The following MAP2 variants were observed in gnomAD, a reference collection of about 807,000 sequenced individuals.
MAP2 encodes the protein microtubule-associated protein 2.
MAP2 carries 14 observed loss-of-function variants against 137.6 expected under a neutral mutation model. The observed-to-expected ratio is 0.10, with a 90% CI of 0.07 to 0.16. MAP2 has a LOEUF of 0.16. Among genes scored for constraint, MAP2 ranks in the 10% least tolerant of loss-of-function variants. The pLI, the probability that MAP2 is intolerant of heterozygous loss-of-function variation, is 1.00. For synonymous variants in MAP2, 786 were observed against 782.3 expected, an observed-to-expected ratio of 1.00 and a Z score of -0.08; for missense variants, 2,088 against 2,191.5, an observed-to-expected ratio of 0.95 and a Z score of 0.94.
intron 2 of MAP2, among the ~76,000 whole-genome samples, chr2:209,510,589 A>G (rs908006341): frequency 6.6e-6 from 1 of 152,120 alleles, no homozygotes; most frequent in African/African-American, 2.4e-5. Flanking sequence ...GAGATTTGCA[A>G]TACCCATGCC....
intron 1 of MAP2, among the ~76,000 whole-genome samples, chr2:209,485,292 G>T (rs2058238713): frequency 6.6e-6 from 1 of 152,236 alleles, no homozygotes; most frequent in African/African-American, 2.4e-5. Context: ...TTTAATCAGT[G>T]CTGTACTTTA....
chr2:209,554,181 A>G (rs1441167250), intron 2 of MAP2, among the ~76,000 whole-genome samples: 1 of 152,206 alleles, frequency 6.6e-6, no homozygotes, highest in Non-Finnish European at 1.5e-5. Context: ...CTGCTTTTTA[A>G]TAAAGCATTG....
chr2:209,526,085 A>G (rs2064000940), intron 2 of MAP2, among the ~76,000 whole-genome samples: 1 of 152,158 alleles, frequency 6.6e-6, no homozygotes, highest in South Asian at 2.1e-4. Context: ...AAAAAGCAAC[A>G]CAGAGGAGGT....
At chr2:209,539,766 A>G (rs2066576929) in intron 2 of MAP2, among the ~76,000 whole-genome samples, 1 of 151,952 alleles carries the variant, frequency 6.6e-6, no homozygotes, top group Non-Finnish European at 1.5e-5. Context: ...TGACAAACTC[A>G]TGTAAGACTC....
chr2:209,537,649 A>G (rs972757632), intron 2 of MAP2, among the ~76,000 whole-genome samples: 2 of 152,220 alleles, frequency 1.3e-5, no homozygotes, highest in Non-Finnish European at 2.9e-5. Flanking sequence ...TTGAGAAACT[A>G]GTAGCCATTC....
intron 1 of MAP2, among the ~76,000 whole-genome samples, chr2:209,435,986 T>C (rs1023354237): frequency 1.1e-5 from 1 of 88,906 alleles, no homozygotes; most frequent in African/African-American, 8.3e-5. Context: ...ATATACAGTA[T>C]ATATTATATA....
At chr2:209,677,624 G>A (rs1209603358) in intron 5 of MAP2, among the ~76,000 whole-genome samples, 2 of 152,024 alleles carry the variant, frequency 1.3e-5, no homozygotes, top group African/African-American at 4.8e-5. Flanking sequence ...ACTCACGACT[G>A]TTAGAAAGTT....
At chr2:209,668,850 C>A (rs1582910759) in intron 5 of MAP2, among the ~76,000 whole-genome samples, 2 of 152,096 alleles carry the variant, frequency 1.3e-5, no homozygotes, top group East Asian at 3.9e-4. Flanking sequence ...ACTTTACTTT[C>A]TTTTGCTTTT....
chr2:209,473,903 T>G (rs968375005), intron 1 of MAP2, among the ~76,000 whole-genome samples: 8 of 152,328 alleles, frequency 5.3e-5, no homozygotes, highest in Non-Finnish European at 1.0e-4. Context: ...CACATATTAC[T>G]TCTTAAGGTT....
At chr2:209,490,605 C>CA (rs59133937) in intron 1 of MAP2, among the ~76,000 whole-genome samples, 440 of 5,558 alleles carry the variant, frequency 0.079, 180 homozygotes, top group East Asian at 0.36. Context: ...AAATGGAAAG[C>CA]AAAAAAAAAA....
intron 2 of MAP2, among the ~76,000 whole-genome samples, chr2:209,562,712 C>T (rs1012857757): frequency 1.3e-5 from 2 of 151,664 alleles, no homozygotes; most frequent in Admixed American, 6.6e-5. Flanking sequence ...AAACAAAAAG[C>T]GAATGCAAAC....
At chr2:209,439,654 T>C (rs73065196) in intron 1 of MAP2, among the ~76,000 whole-genome samples, 4,412 of 151,528 alleles carry the variant, frequency 0.029, 194 homozygotes, top group African/African-American at 0.099. Context: ...TGTAGCTCCA[T>C]AGAAAAAGGC....
At chr2:209,481,052 C>A (rs901527385) in intron 1 of MAP2, among the ~76,000 whole-genome samples, 1 of 152,186 alleles carries the variant, frequency 6.6e-6, no homozygotes, top group Admixed American at 6.6e-5. Flanking sequence ...GGAAAAGAGA[C>A]CATCTCCTGT....
Position 209,731,032 on chromosome 2 carries a change from A to C in MAP2, c.*635A>C, listed in dbSNP as rs1285723629. ...GAGCTGTGGTTGAGGAAGTGGTGTA[A>C]AAGTGCATCCATTAGGAATGATGCA... On this transcript the variant is annotated 3_prime_UTR_variant, in exon 16 of 16. Transcript: ENST00000682079. 2 of 152,806 alleles carry C rather than the reference A, an allele frequency of 1.3e-5. No homozygotes were observed. The highest frequency in any genetic ancestry group is 6.5e-5 in the Admixed American group (1 of 15,294). 9.5% of individuals were successfully genotyped at this position (152,806 alleles called of 1,614,324 possible). A position where few individuals can be genotyped will look rare whatever the true frequency, so the allele number is the denominator to read the frequency against.
chr2:209,493,958 A>G (rs2059432135), intron 1 of MAP2, among the ~76,000 whole-genome samples: 1 of 152,260 alleles, frequency 6.6e-6, no homozygotes, highest in South Asian at 2.1e-4. Context: ...ATTATAAATC[A>G]TTCTACCATA....
chr2:209,671,055 A>G (rs1214875017), intron 5 of MAP2, among the ~76,000 whole-genome samples: 1 of 151,992 alleles, frequency 6.6e-6, no homozygotes, highest in East Asian at 1.9e-4. Context: ...TTCGTTAACT[A>G]ACTTCGCCTC....
Position 209,583,539 on chromosome 2 carries a change from A to G in MAP2, c.-107+3439A>G, listed in dbSNP as rs2077008959. ...ATGTTCAAGTGACCAAAATAAAGAA[A>G]CAAGCAGGCAACAGGGCCATGGGCA... is the stretch of plus-strand genomic sequence containing the variant. On this transcript the variant is annotated intron_variant, in intron 3 of 15. Transcript: ENST00000682079. Among the ~76,000 whole-genome samples the G allele has an allele frequency of 2.0e-5, 3 of 152,018 alleles. 1 individual carries two copies. The South Asian group carries it at 6.2e-4, about 31-fold the overall frequency.
chr2:209,713,327 T>A (rs1469263852), intron 13 of MAP2, among the ~76,000 whole-genome samples: 1 of 122,728 alleles, frequency 8.1e-6, no homozygotes, highest in African/African-American at 3.4e-5. Flanking sequence ...TATGTACAGG[T>A]TTTGTGCTTA....
intron 5 of MAP2, among the ~76,000 whole-genome samples, chr2:209,654,734 A>G (rs1362918099): frequency 6.6e-6 from 1 of 152,138 alleles, no homozygotes; most frequent in Admixed American, 6.5e-5. Flanking sequence ...GTTATAGCAT[A>G]TTGATTGTGA....
Sources: allele counts gnomAD v4.1 joint callset (sites outside exome capture counted in the v4.1 genomes callset), GRCh38; gene constraint gnomAD v4.1.1; transcripts MANE v1.5; gene names NCBI Gene and HGNC (gene_info 2026-07-23, HGNC 2026-07-21).